Variants in CTNNA3 observed in about 807,000 individuals in gnomAD.
CTNNA3 encodes catenin alpha 3, also known as catenin alpha-3.
In CTNNA3, 76 loss-of-function variants were observed where a neutral mutation model predicts 95.7. That is an observed-to-expected ratio of 0.79 (90% CI 0.66 to 0.96). CTNNA3 has a LOEUF of 0.96. CTNNA3 is among the 40% of genes least tolerant of loss of function. CTNNA3 has a pLI of 0.00. For missense variants in CTNNA3, 1,191 were observed against 1,089.8 expected (o/e 1.09, Z -1.31); for synonymous variants, 431 against 374.4 (o/e 1.15, Z -1.74).
chr10:67,594,079 C>T (rs1329199737), intron 3 of CTNNA3, among the ~76,000 whole-genome samples: 4 of 152,142 alleles, frequency 2.6e-5, no homozygotes, highest in Non-Finnish European at 4.4e-5. Context: ...ATATGTTGAA[C>T]GGAACTTGCA....
chr10:67,692,736 T>TATAAAA (rs1840891754), intron 1 of CTNNA3, among the ~76,000 whole-genome samples: 1 of 80,840 alleles, frequency 1.2e-5, no homozygotes, highest in African/African-American at 4.7e-5. Flanking sequence ...GAATGATCAA[T>TATAAAA]AAAAAAAAAA....
Position 67,152,280 on chromosome 10 carries a change from T to C in CTNNA3, c.1047+28037A>G, listed in dbSNP as rs548441798. ...TTCATATCATCAAGTTTGAAAAATA[T>C]TGAACTACATACAGAATAAGAAGAA... On this transcript the variant is annotated intron_variant, in intron 7 of 17. Coordinates refer to ENST00000433211, the MANE Select transcript of CTNNA3 (RefSeq NM_013266.4). Among the ~76,000 whole-genome samples the C allele has an allele frequency of 5.9e-5, 9 of 152,294 alleles. No homozygotes were observed. The South Asian group carries it at 6.2e-4, about 11-fold the overall frequency.
chr10:66,640,863 A>C (rs1479362137), intron 9 of CTNNA3, among the ~76,000 whole-genome samples: 2 of 152,170 alleles, frequency 1.3e-5, no homozygotes, highest in African/African-American at 4.8e-5. Context: ...AAAACTATAA[A>C]GATAAAAGCG....
At chr10:67,604,032 CTA>C (rs1184889772) in intron 3 of CTNNA3, among the ~76,000 whole-genome samples, 2 of 152,124 alleles carry the variant, frequency 1.3e-5, no homozygotes, top group Non-Finnish European at 2.9e-5. Flanking sequence ...ATACTTACCG[CTA>C]TGTTATATTA....
chr10:66,978,552 A>AAAAAATATATATATATATATAT, intron 7 of CTNNA3, among the ~76,000 whole-genome samples: 1 of 37,884 alleles, frequency 2.6e-5, no homozygotes, highest in Non-Finnish European at 4.8e-5. Flanking sequence ...AAAAAAAAAA[A>AAAAAATATATATATATATATAT]ATATATATAT....
intron 13 of CTNNA3, among the ~76,000 whole-genome samples, chr10:66,260,155 TCTC>T (rs1278581914): frequency 6.6e-6 from 1 of 152,150 alleles, no homozygotes; most frequent in Non-Finnish European, 1.5e-5. Context: ...TGTTTATTCT[TCTC>T]CTTACTATTA....
chr10:67,457,828 C>T (rs1299312643), intron 5 of CTNNA3, among the ~76,000 whole-genome samples: 1 of 152,112 alleles, frequency 6.6e-6, no homozygotes, highest in Admixed American at 6.6e-5. Context: ...TCTCTCCTGC[C>T]TCTCTCTTCC....
At chr10:66,760,071 T>A (rs906127654) in intron 9 of CTNNA3, among the ~76,000 whole-genome samples, 12 of 152,324 alleles carry the variant, frequency 7.9e-5, no homozygotes, top group African/African-American at 2.9e-4. Flanking sequence ...CTCTTTTATG[T>A]ATGATAATAA....
chr10:67,548,118 C>T (rs2133220665), intron 3 of CTNNA3, among the ~76,000 whole-genome samples: 1 of 152,150 alleles, frequency 6.6e-6, no homozygotes, highest in Non-Finnish European at 1.5e-5. Context: ...TGGTGCTGTC[C>T]TCATGATAAC....
At chr10:66,539,211 G>T (rs919577945) in intron 10 of CTNNA3, among the ~76,000 whole-genome samples, 4 of 152,110 alleles carry the variant, frequency 2.6e-5, no homozygotes, top group African/African-American at 9.7e-5. Context: ...TTCCAAAGAG[G>T]CTTTATGTGG....
At chr10:66,872,080 C>T (rs1254101777) in intron 7 of CTNNA3, among the ~76,000 whole-genome samples, 2 of 152,158 alleles carry the variant, frequency 1.3e-5, no homozygotes, top group South Asian at 2.1e-4. Context: ...CAAAACCCTC[C>T]GTAACATACT....
intron 13 of CTNNA3, among the ~76,000 whole-genome samples, chr10:66,254,051 C>T (rs184227747): frequency 6.6e-6 from 1 of 152,232 alleles, no homozygotes; most frequent in Admixed American, 6.5e-5. Context: ...CCTCAGATGC[C>T]TTCTCTGCTT....
At chr10:66,085,990 A>G (rs1436812124) in intron 14 of CTNNA3, among the ~76,000 whole-genome samples, 1 of 152,196 alleles carries the variant, frequency 6.6e-6, no homozygotes, top group East Asian at 1.9e-4. Flanking sequence ...CACTAACAAT[A>G]CAATCAGTTT....
intron 5 of CTNNA3, among the ~76,000 whole-genome samples, chr10:67,386,566 C>T (rs1385264565): frequency 6.6e-6 from 1 of 152,052 alleles, no homozygotes; most frequent in Non-Finnish European, 1.5e-5. Flanking sequence ...GAAAAAAAGA[C>T]TGACAATAGA....
At position 67,614,607 on chromosome 10, in the gene CTNNA3, G is replaced by A. The variant is rs148521054; in HGVS notation, c.100-7558C>T. 6.4e-4 allele frequency among the ~76,000 whole-genome samples: 98 copies of A among 152,224 alleles called. 2 individuals carry two copies. Among genetic ancestry groups the A allele is most frequent in the African/African-American group, 2.1e-3 (88 of 41,558 alleles). On this transcript the variant is annotated intron_variant, in intron 2 of 17. Transcript: ENST00000433211. ...GCAGAGCTCAGGCAGTAATGCAAGCGATGGGGGTTGGCTGTAAATACAGAT... is the reference window on the plus strand; with the variant it reads ...GCAGAGCTCAGGCAGTAATGCAAGCAATGGGGGTTGGCTGTAAATACAGAT...
At chr10:66,139,143 C>G (rs558437521) in intron 13 of CTNNA3, among the ~76,000 whole-genome samples, 2 of 152,270 alleles carry the variant, frequency 1.3e-5, no homozygotes, top group Admixed American at 1.3e-4. Flanking sequence ...TAAGATTCCT[C>G]TTAGATTTAT....
intron 5 of CTNNA3, among the ~76,000 whole-genome samples, chr10:67,398,468 T>G (rs1243535017): frequency 2.0e-5 from 3 of 152,190 alleles, no homozygotes; most frequent in African/African-American, 7.2e-5. Context: ...TAACTTGCTT[T>G]TGATTTTATA....
At chr10:66,419,021 G>C (rs1376805125) in intron 11 of CTNNA3, among the ~76,000 whole-genome samples, 18 of 151,990 alleles carry the variant, frequency 1.2e-4, no homozygotes, top group Admixed American at 1.2e-3. Context: ...GAAAGTCCTA[G>C]CCAGAGTAAT....
chr10:66,478,343 TTTTAC>T, intron 11 of CTNNA3, among the ~76,000 whole-genome samples: 1 of 152,028 alleles, frequency 6.6e-6, no homozygotes, highest in Non-Finnish European at 1.5e-5. Context: ...TGCAAACAGA[TTTTAC>T]ACTTGAAAAT....
Sources: gnomAD v4.1 joint callset for allele counts (sites outside exome capture counted in the v4.1 genomes callset) on GRCh38, gnomAD v4.1.1 for gene constraint, MANE v1.5 for transcripts, NCBI Gene and HGNC (gene_info 2026-07-23, HGNC 2026-07-21) for gene names.